The following ADGRB3 variants were observed in gnomAD, a reference collection of about 807,000 sequenced individuals.
ADGRB3 encodes the protein adhesion G protein-coupled receptor B3.
ADGRB3 carries 37 observed loss-of-function variants against 193.4 expected under a neutral mutation model. The observed-to-expected ratio is 0.19, with a 90% CI of 0.15 to 0.25. The LOEUF (loss-of-function observed/expected upper bound fraction) is 0.25. Ranked by LOEUF, ADGRB3 falls within the 10% of genes least tolerant of loss-of-function variation. The pLI is 1.00. For missense variants in ADGRB3, 1,637 were observed against 1,852.9 expected, an observed-to-expected ratio of 0.88 and a Z score of 2.14; for synonymous variants, 690 against 644.2, an observed-to-expected ratio of 1.07 and a Z score of -1.08.
At chr6:68,857,711 A>G (rs1765027375) in intron 3 of ADGRB3, among the ~76,000 whole-genome samples, 1 of 152,152 alleles carries the variant, frequency 6.6e-6, no homozygotes, top group East Asian at 1.9e-4. Context: ...AAATGAGCTG[A>G]GACTTTGGGG....
At chr6:69,318,065 T>C (rs1443855614) in intron 20 of ADGRB3, among the ~76,000 whole-genome samples, 1 of 151,486 alleles carries the variant, frequency 6.6e-6, no homozygotes, top group East Asian at 1.9e-4. Context: ...AATGTGTATC[T>C]TTATTTTTGT....
intron 3 of ADGRB3, among the ~76,000 whole-genome samples, chr6:68,708,222 T>C (rs567144380): frequency 1.4e-3 from 215 of 152,230 alleles, no homozygotes; most frequent in African/African-American, 4.9e-3. Flanking sequence ...AATAATAAAA[T>C]TATATTGTAG....
intron 26 of ADGRB3, among the ~76,000 whole-genome samples, chr6:69,351,640 G>A (rs1769228760): frequency 6.6e-6 from 1 of 152,160 alleles, no homozygotes; most frequent in Non-Finnish European, 1.5e-5. Flanking sequence ...TCATCATTCA[G>A]TGTAGAAATG....
At chr6:69,244,985 C>T (rs555134116) in intron 20 of ADGRB3, among the ~76,000 whole-genome samples, 3 of 152,004 alleles carry the variant, frequency 2.0e-5, no homozygotes, top group African/African-American at 7.2e-5. Flanking sequence ...ATTTCCTGCT[C>T]ACCACTAAAT....
rs756216670 is a variant in ADGRB3, at chr6:69,048,351, A to G, written c.2257+17A>G. On this transcript the variant is annotated intron_variant, in intron 14 of 31. Coordinates refer to ENST00000370598, the MANE Select transcript of ADGRB3 (RefSeq NM_001704.3). ...CATCAAAAGGTAAATATCTGAAATAATATGAGCTTGAACAAGACATTTTTG... is the reference window on the plus strand; with the variant it reads ...CATCAAAAGGTAAATATCTGAAATAGTATGAGCTTGAACAAGACATTTTTG... The G allele has an allele frequency of 9.3e-6, 15 of 1,608,648 alleles. No homozygotes were observed. The highest frequency in any genetic ancestry group is 3.4e-6 in the Non-Finnish European group (4 of 1,177,362).
intron 6 of ADGRB3, 66 bp downstream of exon 6, chr6:68,944,060 A>G: frequency 1.4e-6 from 2 of 1,459,058 alleles, no homozygotes; most frequent in Non-Finnish European, 1.9e-6. Flanking sequence ...TAGTGTACAC[A>G]AGAAATATTA....
intron 22 of ADGRB3, among the ~76,000 whole-genome samples, chr6:69,329,984 T>C (rs73748504): frequency 0.016 from 2,503 of 152,270 alleles, 69 homozygotes; most frequent in African/African-American, 0.056. Flanking sequence ...AAAAGTAAAA[T>C]TAGAAGAAAA....
chr6:68,909,116 G>A (rs929029969), intron 3 of ADGRB3, among the ~76,000 whole-genome samples: 5 of 152,104 alleles, frequency 3.3e-5, no homozygotes, highest in Non-Finnish European at 7.4e-5. Context: ...ATTAGGTAAT[G>A]TGTGTTAACA....
intron 17 of ADGRB3, among the ~76,000 whole-genome samples, chr6:69,197,398 T>G (rs1765324409): frequency 6.8e-6 from 1 of 147,134 alleles, no homozygotes; most frequent in African/African-American, 2.6e-5. Context: ...CAAAGTGTGC[T>G]TCATGATTAC....
intron 3 of ADGRB3, among the ~76,000 whole-genome samples, chr6:68,766,011 T>A (rs1404074933): frequency 6.6e-6 from 1 of 152,046 alleles, no homozygotes; most frequent in Admixed American, 6.6e-5. Flanking sequence ...CAAATTTATA[T>A]GCCATTATAT....
At chr6:69,149,532 A>G (rs2150340755) in intron 17 of ADGRB3, among the ~76,000 whole-genome samples, 1 of 152,084 alleles carries the variant, frequency 6.6e-6, no homozygotes, top group African/African-American at 2.4e-5. Flanking sequence ...TCTCTCCAGG[A>G]TTGGTCCCTG....
At chr6:69,039,041 A>G (rs777565167) in intron 13 of ADGRB3, among the ~76,000 whole-genome samples, 4 of 152,152 alleles carry the variant, frequency 2.6e-5, no homozygotes, top group Admixed American at 1.3e-4. Flanking sequence ...TGGCATGCCC[A>G]CACTGTCTAT....
In ADGRB3 at chr6:69,258,097, C is replaced by T. The variant is rs550695897; in HGVS notation, c.2814+18871C>T. 9.4e-4 allele frequency among the ~76,000 whole-genome samples: 143 copies of T among 152,028 alleles called. 1 individual carries two copies. The highest frequency in any genetic ancestry group is 3.3e-3 in the African/African-American group (136 of 41,452). ...ATCTCTGCAGCTAGCGATATAAAGA[C>T]GAATATCTTTAAGCTCTGTTTTTCA... On this transcript the variant is annotated intron_variant, in intron 20 of 31. Transcript: ENST00000370598.
At chr6:69,046,880 C>T (rs893896598) in intron 13 of ADGRB3, among the ~76,000 whole-genome samples, 9 of 152,098 alleles carry the variant, frequency 5.9e-5, no homozygotes, top group East Asian at 1.9e-4. Flanking sequence ...TATTTTGAGA[C>T]GCAGTCTTGC....
intron 11 of ADGRB3, among the ~76,000 whole-genome samples, chr6:68,998,249 T>G (rs1769450433): frequency 6.6e-6 from 1 of 152,182 alleles, no homozygotes; most frequent in Non-Finnish European, 1.5e-5. Flanking sequence ...CAGTTTAAGT[T>G]CTTGGAGTTA....
In ADGRB3 at chr6:69,386,413, C is replaced by T. The variant is rs140990492; in HGVS notation, c.4381-2290C>T. Among the ~76,000 whole-genome samples the T allele has an allele frequency of 2.8e-3, 425 of 152,154 alleles. 2 individuals are homozygous for T. The highest frequency in any genetic ancestry group is 9.6e-3 in the African/African-American group (398 of 41,540). On this transcript the variant is annotated intron_variant, in intron 31 of 31. Transcript: ENST00000370598. ...TCCCAGAAATCTCCTTTAGACACAACCCTCGTGTATGATAAATGAGTCCAC... is the reference window on the plus strand; with the variant it reads ...TCCCAGAAATCTCCTTTAGACACAATCCTCGTGTATGATAAATGAGTCCAC...
At chr6:69,097,365 G>A (rs533153748) in intron 17 of ADGRB3, among the ~76,000 whole-genome samples, 1 of 152,254 alleles carries the variant, frequency 6.6e-6, no homozygotes, top group African/African-American at 2.4e-5. Context: ...CTAGATCTTG[G>A]ATGAATTAAT....
intron 3 of ADGRB3, among the ~76,000 whole-genome samples, chr6:68,904,926 A>C (rs9454643): frequency 0.32 from 49,125 of 152,008 alleles, 8,316 homozygotes; most frequent in Middle Eastern, 0.53. Flanking sequence ...TCAAAAATGA[A>C]AATCTTTCTT....
At chr6:69,331,433 A>C (rs1028902238) in intron 23 of ADGRB3, 1 of 454,438 alleles carries the variant, frequency 2.2e-6, no homozygotes, top group South Asian at 9.5e-5. Context: ...TTATATTTCT[A>C]ATTGGAAAGT....
Sources: gnomAD v4.1 joint callset for allele counts (sites outside exome capture counted in the v4.1 genomes callset) on GRCh38, gnomAD v4.1.1 for gene constraint, MANE v1.5 for transcripts, NCBI Gene and HGNC (gene_info 2026-07-23, HGNC 2026-07-21) for gene names.